Variants in CDH13 observed in about 807,000 individuals in gnomAD.
The protein encoded by CDH13 is cadherin 13.
In CDH13, 24 loss-of-function variants were observed where a neutral mutation model predicts 63.8. The observed-to-expected ratio is 0.38, with a 90% CI of 0.27 to 0.53. The LOEUF is 0.53. Ranked by LOEUF, CDH13 falls within the 20% of genes least tolerant of loss-of-function variation. The probability of loss-of-function intolerance (pLI) is 0.85; values close to 1 mark genes in which losing one functional copy is unlikely to be tolerated. For missense variants in CDH13, 1,049 were observed against 903.1 expected (o/e 1.16, Z -2.07); for synonymous variants, 503 against 355.3 (o/e 1.42, Z -4.67).
intron 1 of CDH13, among the ~76,000 whole-genome samples, chr16:82,835,493 G>T (rs953739670): frequency 3.3e-5 from 5 of 152,184 alleles, no homozygotes. Context: ...GCTTCCTGGG[G>T]AAAGTGAATT....
At chr16:83,037,935 T>C (rs1187543240) in intron 3 of CDH13, among the ~76,000 whole-genome samples, 1 of 152,104 alleles carries the variant, frequency 6.6e-6, no homozygotes, top group African/African-American at 2.4e-5. Context: ...AATGGTATAA[T>C]TTTGGAACCT....
chr16:82,920,011 G>C (rs1257956960), intron 2 of CDH13, among the ~76,000 whole-genome samples: 1 of 152,188 alleles, frequency 6.6e-6, no homozygotes, highest in Non-Finnish European at 1.5e-5. Context: ...TGTGTGGGTG[G>C]GGTCACGATC....
At chr16:83,203,202 C>T (rs2039083135) in intron 4 of CDH13, among the ~76,000 whole-genome samples, 1 of 151,828 alleles carries the variant, frequency 6.6e-6, no homozygotes, top group Non-Finnish European at 1.5e-5. Flanking sequence ...CCAGCCTGGG[C>T]AACAAGAGCA....
chr16:83,249,106 C>T (rs1226582229), intron 5 of CDH13, among the ~76,000 whole-genome samples: 1 of 152,206 alleles, frequency 6.6e-6, no homozygotes, highest in Non-Finnish European at 1.5e-5. Context: ...AATTCACCAA[C>T]TTTTCTCTGC....
intron 3 of CDH13, among the ~76,000 whole-genome samples, chr16:83,086,623 G>T (rs1190559102): frequency 1.3e-5 from 2 of 152,138 alleles, no homozygotes; most frequent in Non-Finnish European, 2.9e-5. Context: ...TTGCTGTTTT[G>T]ACCTTGACAT....
At chr16:83,358,076 ATT>A (rs941295052) in intron 6 of CDH13, among the ~76,000 whole-genome samples, 43 of 152,292 alleles carry the variant, frequency 2.8e-4, no homozygotes, top group Admixed American at 2.6e-4. Flanking sequence ...GAGCAGAAGC[ATT>A]TTCCTCAAAA....
At chr16:83,351,199 C>G (rs1022666477) in intron 6 of CDH13, among the ~76,000 whole-genome samples, 1 of 151,488 alleles carries the variant, frequency 6.6e-6, no homozygotes, top group East Asian at 1.9e-4. Flanking sequence ...TATTTTCAGA[C>G]TTTCATGCTG....
chr16:83,258,737 C>T lies in CDH13; in HGVS notation c.636+41240C>T, dbSNP rs75229705. 7.7e-3 allele frequency among the ~76,000 whole-genome samples: 1,170 copies of T among 152,226 alleles called. 5 individuals carry two copies. The highest frequency in any genetic ancestry group is 0.022 in the African/African-American group (917 of 41,526). Reference sequence around the variant, plus strand: ...ACCAACAGGGGTGTTTGTATGTGCGCGTTGTGGTGTCAGACATTCTGCTCT... The same window carrying T: ...ACCAACAGGGGTGTTTGTATGTGCGTGTTGTGGTGTCAGACATTCTGCTCT... On this transcript the variant is annotated intron_variant, in intron 5 of 13. Transcript: ENST00000567109.
At chr16:82,669,725 A>G (rs1390387328) in intron 1 of CDH13, among the ~76,000 whole-genome samples, 3 of 152,232 alleles carry the variant, frequency 2.0e-5, no homozygotes, top group Non-Finnish European at 2.9e-5. Flanking sequence ...ATGTAGATCA[A>G]TTAAGCATAT....
At chr16:83,188,905 G>C (rs2038610961) in intron 4 of CDH13, among the ~76,000 whole-genome samples, 1 of 152,072 alleles carries the variant, frequency 6.6e-6, no homozygotes, top group African/African-American at 2.4e-5. Flanking sequence ...AAGATATTGG[G>C]CTGGGAAGAG....
At chr16:83,003,463 G>A (rs557855952) in intron 2 of CDH13, among the ~76,000 whole-genome samples, 17 of 152,098 alleles carry the variant, frequency 1.1e-4, no homozygotes, top group African/African-American at 3.6e-4. Context: ...TGTATAGGGA[G>A]AATAAATAAA....
intron 1 of CDH13, among the ~76,000 whole-genome samples, chr16:82,813,377 C>T (rs2037543815): frequency 6.6e-6 from 1 of 152,098 alleles, no homozygotes; most frequent in Non-Finnish European, 1.5e-5. Flanking sequence ...TGTTTTTAAC[C>T]CCTGCATCCA....
At chr16:83,773,767 C>T (rs1567586626) in intron 11 of CDH13, among the ~76,000 whole-genome samples, 1 of 152,174 alleles carries the variant, frequency 6.6e-6, no homozygotes. Flanking sequence ...TCTAGCCTTG[C>T]CTCAAACCCA....
intron 2 of CDH13, among the ~76,000 whole-genome samples, chr16:83,004,880 G>C (rs1042982593): frequency 6.6e-6 from 1 of 152,178 alleles, no homozygotes. Flanking sequence ...ATTCCAAGTA[G>C]CATGGATGGA....
intron 1 of CDH13, among the ~76,000 whole-genome samples, chr16:82,656,652 A>T (rs1200356391): frequency 6.6e-6 from 1 of 152,174 alleles, no homozygotes; most frequent in East Asian, 1.9e-4. Context: ...GATACATGAC[A>T]AATGTGTAAA....
intron 3 of CDH13, among the ~76,000 whole-genome samples, chr16:83,034,084 C>T (rs1916628402): frequency 6.6e-6 from 1 of 152,098 alleles, no homozygotes; most frequent in Non-Finnish European, 1.5e-5. Flanking sequence ...ATCTTGAGAG[C>T]ATCATATAGC....
rs2072260636 is a variant in CDH13, at chr16:83,435,298, C to T, written c.782-51179C>T. On this transcript the variant is annotated intron_variant, in intron 6 of 13. Transcript: ENST00000567109. ...ACTTCAGGTGATCAACCTGTCTCAG[C>T]CTCCCAAAGGGCTGGGATTACAAGA... Among the ~76,000 whole-genome samples the T allele has an allele frequency of 2.0e-5, 3 of 152,140 alleles. No homozygotes were observed. The South Asian group carries it at 6.2e-4, about 32-fold the overall frequency.
intron 6 of CDH13, among the ~76,000 whole-genome samples, chr16:83,452,153 T>C (rs2072903156): frequency 6.6e-6 from 1 of 152,170 alleles, no homozygotes; most frequent in African/African-American, 2.4e-5. Flanking sequence ...ATCTCAAGAC[T>C]GGAGAGAGAA....
At chr16:82,728,287 C>T (rs1212504181) in intron 1 of CDH13, among the ~76,000 whole-genome samples, 1 of 152,146 alleles carries the variant, frequency 6.6e-6, no homozygotes. Context: ...TCTCCTCAAC[C>T]TGGCTTACAA....
Sources: gnomAD v4.1 joint callset for allele counts (sites outside exome capture counted in the v4.1 genomes callset) on GRCh38, gnomAD v4.1.1 for gene constraint, MANE v1.5 for transcripts, NCBI Gene and HGNC (gene_info 2026-07-23, HGNC 2026-07-21) for gene names.